Variants in DMTF1 observed in about 807,000 individuals in gnomAD.
DMTF1 encodes the protein cyclin-D-binding Myb-like transcription factor 1.
Under a neutral mutation model 91.1 loss-of-function variants are expected in DMTF1, and 39 were observed. The observed-to-expected ratio is 0.43, with a 90% CI of 0.33 to 0.56. DMTF1 has a LOEUF of 0.56. Among genes scored for constraint, DMTF1 ranks in the 20% least tolerant of loss-of-function variants. DMTF1 has a pLI of 0.05. For missense variants in DMTF1, 750 were observed against 914.5 expected (o/e 0.82, Z 2.32); for synonymous variants, 338 against 309.5 (o/e 1.09, Z -0.97).
At chr7:87,189,803 G>A (rs982522338) in intron 13 of DMTF1, among the ~76,000 whole-genome samples, 3 of 152,064 alleles carry the variant, frequency 2.0e-5, no homozygotes, top group African/African-American at 7.2e-5. Flanking sequence ...TTGAAAATGT[G>A]AAAACCATAT....
intron 13 of DMTF1, among the ~76,000 whole-genome samples, chr7:87,189,868 T>C (rs914468113): frequency 1.1e-4 from 16 of 152,260 alleles, no homozygotes; most frequent in Non-Finnish European, 1.9e-4. Flanking sequence ...GATTTAGTTT[T>C]ATCTGGAATC....
Position 87,193,342 on chromosome 7 carries a change from C to T in DMTF1, c.1639C>T (p.His547Tyr). 6.2e-7 allele frequency: 1 copy of T among 1,613,114 alleles called. No homozygotes were observed. Among genetic ancestry groups the T allele is most frequent in the South Asian group, 1.1e-5 (1 of 91,030 alleles). Residue 547 changes from histidine to tyrosine, a missense_variant, in exon 15 of 18, where the codon CAT becomes TAT. This residue lies in a region of DMTF1 where 410 missense variants were observed against 420.2 expected (regional missense o/e 0.98). Transcript: ENST00000331242. ...TGCTTCTCCTGAACAGATTATTGTT[C>T]ATGCTTTATCCGTATGTTACATAAA... ...APASPEQIIV[H>Y]ALSPEHLLNT...
At chr7:87,153,565 C>T (rs1414689864) in intron 1 of DMTF1, among the ~76,000 whole-genome samples, 5 of 151,958 alleles carry the variant, frequency 3.3e-5, no homozygotes, top group African/African-American at 9.7e-5. Flanking sequence ...AGTCAGGACT[C>T]CTCCCTTTCT....
At chr7:87,169,495 T>C (rs1794608419) in intron 4 of DMTF1, among the ~76,000 whole-genome samples, 1 of 152,140 alleles carries the variant, frequency 6.6e-6, no homozygotes, top group African/African-American at 2.4e-5. Context: ...CACTTTTGGT[T>C]CTTACTCAAT....
At chr7:87,165,417 A>C (rs1413415243) in intron 3 of DMTF1, among the ~76,000 whole-genome samples, 2 of 152,204 alleles carry the variant, frequency 1.3e-5, no homozygotes, top group Non-Finnish European at 2.9e-5. Context: ...AGTATGACTT[A>C]ATATGGTGAT....
At chr7:87,186,018 C>G in intron 12 of DMTF1, 38 bp downstream of exon 12, 1 of 1,610,538 alleles carries the variant, frequency 6.2e-7, no homozygotes, top group Non-Finnish European at 8.5e-7. Flanking sequence ...CTCCCCTTTT[C>G]TTACCATATT....
At chr7:87,176,441 G>C (rs973657181) in intron 7 of DMTF1, among the ~76,000 whole-genome samples, 2 of 152,170 alleles carry the variant, frequency 1.3e-5, no homozygotes, top group African/African-American at 2.4e-5. Flanking sequence ...TTGTCTAGGG[G>C]ATTGAAGTAG....
In DMTF1 at chr7:87,188,711, G is replaced by A. The variant is rs1190605629; in HGVS notation, c.1411+410G>A. ...ATCAATTGGGGATTGATTTGAGGTC[G>A]TTTGGTAAAGAAATGAGTTTTGGCA... On this transcript the variant is annotated intron_variant, in intron 13 of 17. Coordinates refer to ENST00000331242, the MANE Select transcript of DMTF1 (RefSeq NM_001142327.2). 7.2e-5 allele frequency among the ~76,000 whole-genome samples: 11 copies of A among 152,214 alleles called. No homozygotes were observed. In the East Asian group the frequency reaches 1.7e-3, roughly 24 times the overall value.
At chr7:87,188,428 A>C in intron 13 of DMTF1, 127 bp downstream of exon 13, 1 of 953,396 alleles carries the variant, frequency 1.0e-6, no homozygotes, top group Non-Finnish European at 1.6e-6. Context: ...AAGGACATCT[A>C]AGATATTTTG....
At position 87,195,314 on chromosome 7, in the gene DMTF1, T is replaced by C. The variant is rs1337599838; in HGVS notation, c.*174T>C. The C allele has an allele frequency of 5.6e-6, 3 of 532,066 alleles. No individual in the cohort carries two copies. Among genetic ancestry groups the C allele is most frequent in the Non-Finnish European group, 1.0e-5 (3 of 298,696 alleles). 33.0% of individuals were successfully genotyped at this position (532,066 alleles called of 1,614,324 possible). A position where few individuals can be genotyped will look rare whatever the true frequency, so the allele number is the denominator to read the frequency against. ...CTTTTTACCTCCTTTAAACACATCATCTGAGGTTGAGTTTTATGACAGTAT... is the reference window on the plus strand; with the variant it reads ...CTTTTTACCTCCTTTAAACACATCACCTGAGGTTGAGTTTTATGACAGTAT... On this transcript the variant is annotated 3_prime_UTR_variant, in exon 18 of 18. Coordinates refer to ENST00000331242, the MANE Select transcript of DMTF1 (RefSeq NM_001142327.2).
intron 9 of DMTF1, 105 bp from the exon 10 acceptor site, chr7:87,182,123 C>T (rs775276172): frequency 1.9e-6 from 3 of 1,564,598 alleles, no homozygotes; most frequent in Admixed American, 1.9e-5. Context: ...CTGCCCACAA[C>T]TTCCAAACCA....
rs747563392 is a variant in DMTF1, at chr7:87,173,565, T to C, written c.358T>C (p.Ser120Pro). ...GCAGAATGAGCAACTAGATGAAATA[T>C]CTCCCTTGGGTAACGAGGAAGTTTC... ...ILQNEQLDEI[S>P]PLGNEEVSAV... The change falls in exon 6 of 18, where the codon TCT becomes CCT. Residue 120 changes from serine (S) to proline (P), a missense_variant. Coordinates refer to ENST00000331242, the MANE Select transcript of DMTF1 (RefSeq NM_001142327.2). 2.5e-6 allele frequency: 4 copies of C among 1,609,832 alleles called. No homozygotes were observed. Among genetic ancestry groups the C allele is most frequent in the Non-Finnish European group, 3.4e-6 (4 of 1,177,940 alleles).
intron 14 of DMTF1, chr7:87,192,882 C>T (rs558233764): frequency 4.7e-4 from 99 of 212,252 alleles, no homozygotes; most frequent in Middle Eastern, 3.4e-3. Context: ...CCAGTTTTTA[C>T]GTGCTACAAA....
At chr7:87,168,718 A>C (rs958125137) in intron 4 of DMTF1, among the ~76,000 whole-genome samples, 6 of 152,190 alleles carry the variant, frequency 3.9e-5, no homozygotes, top group African/African-American at 9.7e-5. Context: ...GAAAAATGGC[A>C]CAAGCAGGCT....
intron 4 of DMTF1, among the ~76,000 whole-genome samples, chr7:87,168,555 C>G (rs1584278266): frequency 6.6e-6 from 1 of 151,966 alleles, no homozygotes; most frequent in Non-Finnish European, 1.5e-5. Context: ...TCTTTTTTAC[C>G]CTGTTTTACT....
intron 11 of DMTF1, among the ~76,000 whole-genome samples, 196 bp from the exon 12 acceptor site, chr7:87,185,633 G>A (rs1400273434): frequency 6.6e-6 from 1 of 152,152 alleles, no homozygotes; most frequent in African/African-American, 2.4e-5. Context: ...AGTGGTTGCT[G>A]TTGGTATTTC....
At chr7:87,156,718 G>C (rs188679251) in intron 1 of DMTF1, among the ~76,000 whole-genome samples, 55 of 152,156 alleles carry the variant, frequency 3.6e-4, no homozygotes, top group African/African-American at 1.3e-3. Flanking sequence ...CTTCCACTAA[G>C]ATTTTCTACT....
chr7:87,161,058 T>C (rs1335315684), intron 1 of DMTF1, among the ~76,000 whole-genome samples: 1 of 152,082 alleles, frequency 6.6e-6, no homozygotes, highest in African/African-American at 2.4e-5. Flanking sequence ...TTAATACTAA[T>C]ATTAATAAAA....
At chr7:87,178,927 G>A (rs1796808562) in intron 7 of DMTF1, among the ~76,000 whole-genome samples, 1 of 151,850 alleles carries the variant, frequency 6.6e-6, no homozygotes, top group Non-Finnish European at 1.5e-5. Flanking sequence ...GATGGTCTGT[G>A]CCTATTTGAT....
Sources: gnomAD v4.1 joint callset for allele counts (sites outside exome capture counted in the v4.1 genomes callset) on GRCh38, gnomAD v4.1.1 for gene constraint, gnomAD v4.1.1 regional missense constraint, MANE v1.5 for transcripts, NCBI Gene and HGNC (gene_info 2026-07-23, HGNC 2026-07-21) for gene names.